RPAP2: variants seen among roughly 807,000 people sequenced by gnomAD.
RPAP2 encodes the protein putative RNA polymerase II subunit B1 CTD phosphatase RPAP2.
In RPAP2, 52 loss-of-function variants were observed where a neutral mutation model predicts 73.1. The ratio of observed to expected loss-of-function variants is 0.71; its 90% confidence interval spans 0.57 to 0.90. The LOEUF is 0.90. Ranked by LOEUF, RPAP2 falls within the 40% of genes least tolerant of loss-of-function variation. The pLI, the probability that RPAP2 is intolerant of heterozygous loss-of-function variation, is 0.00. For missense variants in RPAP2, 598 were observed against 701.8 expected, an observed-to-expected ratio of 0.85 and a Z score of 1.67; for synonymous variants, 225 against 242.1, an observed-to-expected ratio of 0.93 and a Z score of 0.65.
chr1:92,304,937 G>A (rs950697372), intron 5 of RPAP2, among the ~76,000 whole-genome samples: 1 of 151,870 alleles, frequency 6.6e-6, no homozygotes, highest in Non-Finnish European at 1.5e-5. Context: ...AGGAGTTGGA[G>A]GCCAGCCTGG....
At chr1:92,332,267 TCTTA>T (rs1653013261) in intron 8 of RPAP2, among the ~76,000 whole-genome samples, 1 of 152,108 alleles carries the variant, frequency 6.6e-6, no homozygotes, top group South Asian at 2.1e-4. Context: ...CCCCATTAGT[TCTTA>T]CTTTTAAATA....
chr1:92,401,331 C>T lies in RPAP2; in HGVS notation c.*14320C>T, dbSNP rs756932395. 6.6e-6 allele frequency: 1 copy of T among 152,124 alleles called. No individual in the cohort carries two copies. Among genetic ancestry groups the T allele is most frequent in the Non-Finnish European group, 1.5e-5 (1 of 68,022 alleles). The allele number at this position is 152,124 out of a possible 1,614,324, so 9.4% of individuals were successfully genotyped here. A position where few individuals can be genotyped will look rare whatever the true frequency, so the allele number is the denominator to read the frequency against. On this transcript the variant is annotated 3_prime_UTR_variant, in exon 13 of 13. Coordinates refer to ENST00000610020, the MANE Select transcript of RPAP2 (RefSeq NM_024813.3). Reference sequence around the variant, plus strand: ...CTTGACTTTTTTGTGGAAAGTAACACCCCAAGAAAGCCAGCTACTCATGTT... The same window carrying T: ...CTTGACTTTTTTGTGGAAAGTAACATCCCAAGAAAGCCAGCTACTCATGTT...
chr1:92,344,403 TA>T (rs1465815762), intron 10 of RPAP2, among the ~76,000 whole-genome samples: 1 of 152,206 alleles, frequency 6.6e-6, no homozygotes, highest in South Asian at 2.1e-4. Flanking sequence ...AGACTCTGTC[TA>T]AAAAAAGAAA....
chr1:92,350,072 C>T lies in RPAP2; in HGVS notation c.1688+4158C>T, dbSNP rs143951088. On this transcript the variant is annotated intron_variant, in intron 11 of 12. Transcript: ENST00000610020. ...ATGAAATGCATCCCATATGAAAATA[C>T]ACCATGACCCATTCCCACTTCATTT... 1.7e-3 allele frequency among the ~76,000 whole-genome samples: 266 copies of T among 152,224 alleles called. 3 individuals are homozygous for T. Among genetic ancestry groups the T allele is most frequent in the African/African-American group, 5.8e-3 (243 of 41,542 alleles).
chr1:92,358,794 C>T (rs551925386), intron 11 of RPAP2, among the ~76,000 whole-genome samples: 5 of 152,264 alleles, frequency 3.3e-5, no homozygotes, highest in Admixed American at 3.3e-4. Flanking sequence ...CACTTTGTTG[C>T]CCAGGCTGGT....
At chr1:92,357,842 A>T (rs570748841) in intron 11 of RPAP2, among the ~76,000 whole-genome samples, 1 of 152,196 alleles carries the variant, frequency 6.6e-6, no homozygotes, top group African/African-American at 2.4e-5. Context: ...CCTGAGATAA[A>T]TTCTTTAATG....
chr1:92,339,335 C>T (rs1450405884), intron 10 of RPAP2, among the ~76,000 whole-genome samples: 5 of 149,700 alleles, frequency 3.3e-5, no homozygotes, highest in Admixed American at 1.3e-4. Context: ...CACAACCGCC[C>T]CCCAATCCCC....
rs1656271399 is a variant in RPAP2 at position 92,399,811 on chromosome 1, G to C, written c.*12800G>C. ...AAAAATACACTAAATTTTAGACAGA[G>C]TCACTTTCACTATGGCCACAATGGG... On this transcript the variant is annotated 3_prime_UTR_variant, in exon 13 of 13. Coordinates refer to ENST00000610020, the MANE Select transcript of RPAP2 (RefSeq NM_024813.3). 6.6e-6 allele frequency: 1 copy of C among 152,070 alleles called. No homozygotes were observed. The highest frequency in any genetic ancestry group is 1.5e-5 in the Non-Finnish European group (1 of 68,034). The allele number at this position is 152,070 out of a possible 1,614,324, so 9.4% of individuals were successfully genotyped here.
intron 11 of RPAP2, among the ~76,000 whole-genome samples, chr1:92,368,873 G>T (rs1042727368): frequency 6.6e-6 from 1 of 152,132 alleles, no homozygotes; most frequent in Non-Finnish European, 1.5e-5. Context: ...TGCTTTTGTT[G>T]TTACGCCACT....
chr1:92,323,293 G>T, intron 7 of RPAP2, 152 bp from the exon 8 acceptor site: 1 of 444,248 alleles, frequency 2.3e-6, no homozygotes. Flanking sequence ...TTATATATCA[G>T]AACCTAGAAA....
intron 6 of RPAP2, among the ~76,000 whole-genome samples, chr1:92,316,140 A>C (rs975686664): frequency 2.0e-5 from 3 of 152,236 alleles, no homozygotes; most frequent in Non-Finnish European, 4.4e-5. Flanking sequence ...AAATCAAATT[A>C]TGATTTTAAA....
intron 7 of RPAP2, among the ~76,000 whole-genome samples, chr1:92,322,675 G>A (rs2101172791): frequency 6.6e-6 from 1 of 151,964 alleles, no homozygotes; most frequent in Admixed American, 6.6e-5. Flanking sequence ...AAGAATTTGT[G>A]ACCAGCCTGG....
At chr1:92,309,803 G>A (rs1651483792) in intron 6 of RPAP2, among the ~76,000 whole-genome samples, 2 of 152,202 alleles carry the variant, frequency 1.3e-5, no homozygotes, top group Non-Finnish European at 1.5e-5. Context: ...AATGGGTTGG[G>A]ATATTGAACA....
chr1:92,300,401 T>TA (rs1387678164), intron 2 of RPAP2, among the ~76,000 whole-genome samples, 162 bp downstream of exon 2: 1 of 152,180 alleles, frequency 6.6e-6, no homozygotes, highest in Non-Finnish European at 1.5e-5. Context: ...CATAGACTGT[T>TA]ACATTCCTCT....
At chr1:92,368,693 G>C (rs919247760) in intron 11 of RPAP2, among the ~76,000 whole-genome samples, 1 of 152,154 alleles carries the variant, frequency 6.6e-6, no homozygotes, top group African/African-American at 2.4e-5. Flanking sequence ...TCTTACTACT[G>C]TATATAATAA....
At chr1:92,367,584 C>G (rs1424618284) in intron 11 of RPAP2, among the ~76,000 whole-genome samples, 1 of 152,154 alleles carries the variant, frequency 6.6e-6, no homozygotes, top group Non-Finnish European at 1.5e-5. Context: ...GTCTTTACAT[C>G]TTCATCACCT....
intron 8 of RPAP2, among the ~76,000 whole-genome samples, chr1:92,332,134 T>A (rs1653005945): frequency 6.6e-6 from 1 of 151,998 alleles, no homozygotes; most frequent in Admixed American, 6.6e-5. Context: ...CTGTATCTTG[T>A]AGGTCTCTTA....
intron 8 of RPAP2, among the ~76,000 whole-genome samples, chr1:92,330,667 G>A (rs557191277): frequency 6.6e-6 from 1 of 151,962 alleles, no homozygotes; most frequent in South Asian, 2.1e-4. Context: ...GGCCAGGTTG[G>A]TCTCGAACTC....
chr1:92,373,739 TAAAAAAAAAA>T (rs59586077), intron 11 of RPAP2, among the ~76,000 whole-genome samples: 5 of 80,484 alleles, frequency 6.2e-5, no homozygotes, highest in African/African-American at 1.7e-4. Flanking sequence ...CTACTAAAAA[TAAAAAAAAAA>T]AAAAAAAAAA....
Sources: gnomAD v4.1 joint callset for allele counts (sites outside exome capture counted in the v4.1 genomes callset) on GRCh38, gnomAD v4.1.1 for gene constraint, MANE v1.5 for transcripts, NCBI Gene and HGNC (gene_info 2026-07-23, HGNC 2026-07-21) for gene names.